Variants in CMSS1 observed in about 807,000 individuals in gnomAD.
CMSS1 encodes the protein protein CMSS1.
In CMSS1, 33 loss-of-function variants were observed where a neutral mutation model predicts 43.5. The observed-to-expected ratio is 0.76, with a 90% CI of 0.57 to 1.01. The LOEUF (loss-of-function observed/expected upper bound fraction) is 1.01, where lower values mean the gene tolerates loss of function less well. CMSS1 is among the 50% of genes least tolerant of loss of function. CMSS1 has a pLI of 0.00. For synonymous variants in CMSS1, 115 were observed against 117.2 expected (o/e 0.98, Z 0.12); for missense variants, 313 against 326.4 (o/e 0.96, Z 0.32).
At chr3:100,078,914 C>CA in intron 1 of CMSS1, among the ~76,000 whole-genome samples, 1 of 152,074 alleles carries the variant, frequency 6.6e-6, no homozygotes, top group Admixed American at 6.6e-5. Context: ...AAAAAGATTG[C>CA]AAAAAATCTC....
chr3:100,144,588 C>T (rs1443238421), intron 1 of CMSS1, among the ~76,000 whole-genome samples: 1 of 152,198 alleles, frequency 6.6e-6, no homozygotes, highest in Non-Finnish European at 1.5e-5. Context: ...TCATTACACC[C>T]TGTCAAGGGT....
At chr3:100,093,483 A>G in intron 1 of CMSS1, among the ~76,000 whole-genome samples, 1 of 152,212 alleles carries the variant, frequency 6.6e-6, no homozygotes, top group East Asian at 1.9e-4. Context: ...TTTTTTAAGT[A>G]AACTTTTTAC....
intron 1 of CMSS1, among the ~76,000 whole-genome samples, chr3:99,983,464 G>GTATATATATA (rs1191587665): frequency 7.1e-4 from 9 of 12,672 alleles, no homozygotes; most frequent in Non-Finnish European, 1.3e-3. Flanking sequence ...ATATATGTGT[G>GTATATATATA]TATATATATA....
At chr3:100,031,614 C>T (rs1199689942) in intron 1 of CMSS1, among the ~76,000 whole-genome samples, 1 of 152,060 alleles carries the variant, frequency 6.6e-6, no homozygotes, top group African/African-American at 2.4e-5. Flanking sequence ...TTGGCTCCTC[C>T]TGTGTTCTTT....
At chr3:100,130,423 T>G (rs1162291915) in intron 1 of CMSS1, among the ~76,000 whole-genome samples, 1 of 152,228 alleles carries the variant, frequency 6.6e-6, no homozygotes, top group Non-Finnish European at 1.5e-5. Context: ...CTGTAAAGAC[T>G]CATATTATGT....
At chr3:99,910,549 C>G (rs1236463212) in intron 1 of CMSS1, among the ~76,000 whole-genome samples, 1 of 136,694 alleles carries the variant, frequency 7.3e-6, no homozygotes, top group Non-Finnish European at 1.7e-5. Context: ...TCCAGTACCC[C>G]TTACCACTTT....
chr3:99,877,166 A>G (rs1705563536), intron 1 of CMSS1, among the ~76,000 whole-genome samples: 1 of 152,216 alleles, frequency 6.6e-6, no homozygotes, highest in Non-Finnish European at 1.5e-5. Context: ...TCTGCTAAAT[A>G]AATTAGGGAC....
intron 1 of CMSS1, among the ~76,000 whole-genome samples, chr3:100,058,703 C>CA (rs2065507946): frequency 6.6e-6 from 1 of 152,212 alleles, no homozygotes. Context: ...CAACAGACAA[C>CA]AGGGCCCATT....
intron 1 of CMSS1, among the ~76,000 whole-genome samples, chr3:100,062,257 G>A (rs551489426): frequency 6.5e-4 from 99 of 151,220 alleles, no homozygotes; most frequent in Non-Finnish European, 1.2e-3. Flanking sequence ...GACTACAGGC[G>A]CTCGCCACCA....
intron 1 of CMSS1, among the ~76,000 whole-genome samples, chr3:100,024,891 A>C (rs17392822): frequency 6.6e-5 from 10 of 152,164 alleles, no homozygotes; most frequent in Non-Finnish European, 1.3e-4. Flanking sequence ...CTTTCAAGCT[A>C]TCAGGGCACC....
chr3:100,046,315 T>G (rs1349011048), intron 1 of CMSS1, among the ~76,000 whole-genome samples: 1 of 152,216 alleles, frequency 6.6e-6, no homozygotes, highest in African/African-American at 2.4e-5. Context: ...CTCAGACATG[T>G]CTTAAAAAGG....
chr3:99,894,638 C>T (rs1018769396), intron 1 of CMSS1, among the ~76,000 whole-genome samples: 1 of 152,144 alleles, frequency 6.6e-6, no homozygotes, highest in African/African-American at 2.4e-5. Context: ...AGTTTACTAT[C>T]TTGCAGAAAG....
chr3:99,849,793 A>G (rs1199323436), intron 1 of CMSS1: 1 of 1,613,078 alleles, frequency 6.2e-7, no homozygotes, highest in East Asian at 2.2e-5. Context: ...TTCTTGAGAG[A>G]GCTCCTTAAT....
At position 99,817,960 on chromosome 3, in the gene CMSS1, AC is replaced by A; in HGVS notation, c.-19del. On this transcript the variant is annotated 5_prime_UTR_variant, in exon 1 of 10. The change creates a premature stop within an existing upstream ORF in the 5' untranslated region. Transcript: ENST00000421999. ...GTCGCCTACCCGTGATGTTCTGCCCACGTCGAGACCTGAGCTGAAATGGCAG... is the reference window on the plus strand; with the variant it reads ...GTCGCCTACCCGTGATGTTCTGCCCAGTCGAGACCTGAGCTGAAATGGCAG... The A allele has an allele frequency of 6.2e-7, 1 of 1,613,780 alleles. No homozygotes were observed. Among genetic ancestry groups the A allele is most frequent in the Non-Finnish European group, 8.5e-7 (1 of 1,179,798 alleles).
At chr3:100,013,026 C>T (rs1710206655) in intron 1 of CMSS1, among the ~76,000 whole-genome samples, 1 of 151,464 alleles carries the variant, frequency 6.6e-6, no homozygotes, top group African/African-American at 2.4e-5. Flanking sequence ...TTCACCACAC[C>T]CAGCCAATTT....
chr3:99,828,708 A>C (rs1343353675), intron 1 of CMSS1, among the ~76,000 whole-genome samples: 2 of 149,620 alleles, frequency 1.3e-5, no homozygotes, highest in Non-Finnish European at 3.0e-5. Context: ...CTCTCACCTC[A>C]GCCTCCCAAA....
At chr3:100,060,134 G>T (rs1301478777) in intron 1 of CMSS1, among the ~76,000 whole-genome samples, 4 of 152,100 alleles carry the variant, frequency 2.6e-5, no homozygotes, top group Non-Finnish European at 4.4e-5. Flanking sequence ...CTGGAGGTGT[G>T]TGTCACATGG....
chr3:99,827,701 T>C (rs1404062354), intron 1 of CMSS1, among the ~76,000 whole-genome samples: 2 of 151,924 alleles, frequency 1.3e-5, no homozygotes, highest in African/African-American at 4.8e-5. Context: ...GCCTCCCAGG[T>C]TCAAGCAGAT....
chr3:100,131,357 G>A (rs749229368), intron 1 of CMSS1, among the ~76,000 whole-genome samples: 5 of 152,146 alleles, frequency 3.3e-5, no homozygotes, highest in Non-Finnish European at 4.4e-5. Flanking sequence ...AGTGATAAAC[G>A]ATGTCTACCA....
Sources: gnomAD v4.1 joint callset for allele counts (sites outside exome capture counted in the v4.1 genomes callset) on GRCh38, gnomAD v4.1.1 for gene constraint, MANE v1.5 for transcripts, NCBI Gene and HGNC (gene_info 2026-07-23, HGNC 2026-07-21) for gene names.